Variants in MMP7 observed in about 807,000 individuals in gnomAD.
The protein encoded by MMP7 is matrilysin.
In MMP7, 26 loss-of-function variants were observed where a neutral mutation model predicts 31.5. The observed-to-expected ratio is 0.83, with a 90% confidence interval of 0.61 to 1.15. The LOEUF (loss-of-function observed/expected upper bound fraction) is 1.15, where lower values mean the gene tolerates loss of function less well. MMP7 is among the 50% of genes most tolerant of loss of function. The pLI is 0.00. For synonymous variants in MMP7, 142 were observed against 124.2 expected (o/e 1.14, Z -0.95); for missense variants, 367 against 326.5 (o/e 1.12, Z -0.96).
chr11:102,526,079 T>G (rs370814513), intron 3 of MMP7, among the ~76,000 whole-genome samples: 11 of 151,976 alleles, frequency 7.2e-5, no homozygotes, highest in African/African-American at 2.2e-4. Flanking sequence ...AACATTTTTC[T>G]CTAAATTTGC....
At chr11:102,525,716 G>A (rs566387383) in intron 3 of MMP7, among the ~76,000 whole-genome samples, 18 of 150,362 alleles carry the variant, frequency 1.2e-4, no homozygotes, top group African/African-American at 4.2e-4. Flanking sequence ...GAGGGAGAAT[G>A]AATATGAATA....
At position 102,525,034 on chromosome 11, in the gene MMP7, G is replaced by C. The variant is rs1298741970; in HGVS notation, c.515C>G (p.Pro172Arg). The C allele has an allele frequency of 2.5e-6, 4 of 1,612,724 alleles. No individual in the cohort carries two copies. The African/African-American group carries it at 4.0e-5, about 16-fold the overall frequency. The change falls in exon 4 of 6, where the codon CCA becomes CGA. Residue 172 changes from proline to arginine, a missense_variant. Physicochemically the swap from Pro to Arg is moderately radical, Grantham distance 103 (BLOSUM62 -2). Coordinates refer to ENST00000260227, the MANE Select transcript of MMP7 (RefSeq NM_002423.5). ...AHGDSYPFDG[P>R]GNTLAHAFAP... ...AAAGGCATGAGCCAGCGTGTTTCCT[G>C]GCCCATCAAATGGGTAGGAGTCCCC...
intron 3 of MMP7, among the ~76,000 whole-genome samples, chr11:102,525,610 A>C (rs1858661527): frequency 6.6e-6 from 1 of 152,150 alleles, no homozygotes; most frequent in African/African-American, 2.4e-5. Context: ...TTGAAAGCTT[A>C]CTGGATACAG....
chr11:102,523,520 C>T (rs777685363), intron 4 of MMP7, 119 bp from the exon 5 acceptor site: 33 of 783,730 alleles, frequency 4.2e-5, no homozygotes, highest in Non-Finnish European at 5.3e-5. Flanking sequence ...TTTTAGCCCA[C>T]GGTAGCTTAC....
Position 102,527,744 on chromosome 11 carries a change from G to C in MMP7, c.335+13C>G, listed in dbSNP as rs1419444331. 1 of 1,614,022 alleles carries C rather than the reference G, an allele frequency of 6.2e-7. No individual in the cohort carries two copies. The highest frequency in any genetic ancestry group is 1.7e-5 in the Admixed American group (1 of 60,000). On this transcript the variant is annotated intron_variant, in intron 2 of 5. Coordinates refer to ENST00000260227, the MANE Select transcript of MMP7 (RefSeq NM_002423.5). The stretch of plus-strand genomic sequence containing the variant: ...TTATTGTTTTTGCCAAAATGAGCCA[G>C]AGCAAAACTAACCTGTAGGTGACCA...
intron 3 of MMP7, among the ~76,000 whole-genome samples, chr11:102,526,457 G>C (rs1591593032): frequency 6.6e-6 from 1 of 151,920 alleles, no homozygotes; most frequent in East Asian, 1.9e-4. Context: ...GGCTGGTCTT[G>C]AACTCCTGAC....
In MMP7 at chr11:102,530,598, C is replaced by A; in HGVS notation, c.103G>T (p.Ala35Ser). Residue 35 changes from alanine to serine, a missense_variant, in exon 1 of 6, where the codon GCT becomes TCT. Physicochemically the swap from Ala to Ser is moderately conservative, Grantham distance 99. Transcript: ENST00000260227. ...GTAAGTGGGCTGTGACATACCTGAG[C>A]CTGTTCCCACTGTAGCTCACTCATG... ...GGMSELQWEQ[A>S]QDYLKRFYLY... 1 of 1,613,556 alleles carries A rather than the reference C, an allele frequency of 6.2e-7. No homozygotes were observed. The highest frequency in any genetic ancestry group is 8.5e-7 in the Non-Finnish European group (1 of 1,179,544).
At chr11:102,530,440 T>G (rs1436612447) in intron 1 of MMP7, among the ~76,000 whole-genome samples, 153 bp downstream of exon 1, 1 of 152,220 alleles carries the variant, frequency 6.6e-6, no homozygotes, top group Non-Finnish European at 1.5e-5. Flanking sequence ...AATGGCTACT[T>G]GATGAAAACA....
chr11:102,520,806 T>G lies in MMP7; in HGVS notation c.776-2A>C, dbSNP rs925937268. 1 of 1,553,812 alleles carries G rather than the reference T, an allele frequency of 6.4e-7. No individual in the cohort carries two copies. On this transcript the variant is annotated splice_acceptor_variant, in intron 5 of 5. Transcript: ENST00000260227. LOFTEE classifies it high-confidence loss of function. ...TCTTTCTTGAATTACTTCTCTTTCC[T>G]ATTGAGAGAAAAAAAAAGAACATTC... is the stretch of plus-strand genomic sequence containing the variant.
intron 3 of MMP7, among the ~76,000 whole-genome samples, chr11:102,525,553 C>G (rs1858660857): frequency 6.6e-6 from 1 of 151,984 alleles, no homozygotes; most frequent in Non-Finnish European, 1.5e-5. Flanking sequence ...GGCCCAGACA[C>G]TTTTCCTTTC....
intron 1 of MMP7, among the ~76,000 whole-genome samples, chr11:102,529,439 A>T (rs1429321428): frequency 1.3e-5 from 2 of 152,166 alleles, no homozygotes; most frequent in Non-Finnish European, 2.9e-5. Context: ...CCTCCAAGTG[A>T]AGACTAAGTT....
chr11:102,529,145 T>A (rs944471747), intron 1 of MMP7, among the ~76,000 whole-genome samples: 1 of 152,190 alleles, frequency 6.6e-6, no homozygotes, highest in Non-Finnish European at 1.5e-5. Context: ...TTGGAGTAGA[T>A]GGTAATGGTT....
intron 3 of MMP7, 42 bp from the exon 4 acceptor site, chr11:102,525,106 T>A (rs1858655392): frequency 6.4e-7 from 1 of 1,569,904 alleles, no homozygotes; most frequent in Non-Finnish European, 8.6e-7. Context: ...ACTGATTTTT[T>A]TTTTCTCCAG....
chr11:102,522,733 C>T (rs17884366), intron 5 of MMP7, among the ~76,000 whole-genome samples: 5 of 152,262 alleles, frequency 3.3e-5, no homozygotes, highest in East Asian at 1.9e-4. Flanking sequence ...AAAGCATAGA[C>T]TGGGGCAAGG....
chr11:102,527,779 T>C lies in MMP7; in HGVS notation c.313A>G (p.Thr105Ala). The C allele has an allele frequency of 1.2e-6, 2 of 1,614,182 alleles. No individual in the cohort carries two copies. Among genetic ancestry groups the C allele is most frequent in the Non-Finnish European group, 1.7e-6 (2 of 1,180,028 alleles). Residue 105 changes from threonine (T) to alanine (A), a missense_variant, in exon 2 of 6, where the codon ACT (threonine) becomes GCT (alanine). Thr to Ala is a moderately conservative substitution (Grantham distance 58, BLOSUM62 0). Transcript: ENST00000260227. The part of the protein sequence containing the change: ...YSLFPNSPKW[T>A]SKVVTYRIVS... ...AACCTGTAGGTGACCACTTTGGAAG[T>C]CCATTTTGGGCTATTTGGAAATAGT...
At chr11:102,528,496 C>T (rs1008709608) in intron 1 of MMP7, among the ~76,000 whole-genome samples, 2 of 152,122 alleles carry the variant, frequency 1.3e-5, no homozygotes, top group Non-Finnish European at 2.9e-5. Context: ...TTTAATAATC[C>T]GGTGAAGGAA....
At chr11:102,525,152 T>G in intron 3 of MMP7, 88 bp from the exon 4 acceptor site, 1 of 1,482,880 alleles carries the variant, frequency 6.7e-7, no homozygotes. Context: ...TTATTGAGGC[T>G]AGAAAAAGCA....
At chr11:102,521,827 C>T (rs1858616729) in intron 5 of MMP7, among the ~76,000 whole-genome samples, 1 of 152,130 alleles carries the variant, frequency 6.6e-6, no homozygotes, top group South Asian at 2.1e-4. Context: ...TCCATGAGTT[C>T]CACAGTTTTA....
At chr11:102,528,942 T>C (rs1036489343) in intron 1 of MMP7, among the ~76,000 whole-genome samples, 21 of 152,214 alleles carry the variant, frequency 1.4e-4, no homozygotes, top group Non-Finnish European at 1.3e-4. Context: ...ATCCCTATTT[T>C]ATACATGAAG....
Sources: allele counts gnomAD v4.1 joint callset (sites outside exome capture counted in the v4.1 genomes callset), GRCh38; gene constraint gnomAD v4.1.1; transcripts MANE v1.5; gene names NCBI Gene and HGNC (gene_info 2026-07-23, HGNC 2026-07-21).